The following LEPR variants were observed in gnomAD, a reference collection of about 807,000 sequenced individuals.
The protein encoded by LEPR is OB receptor.
In LEPR, 56 loss-of-function variants were observed where a neutral mutation model predicts 114.7. The ratio of observed to expected loss-of-function variants is 0.49; its 90% CI spans 0.39 to 0.61. The LOEUF (loss-of-function observed/expected upper bound fraction) is 0.61. Among genes scored for constraint, LEPR ranks in the 20% least tolerant of loss-of-function variants. LEPR has a pLI of 0.00. For synonymous variants in LEPR, 443 were observed against 461.4 expected (o/e 0.96, Z 0.51); for missense variants, 1,202 against 1,352.9 (o/e 0.89, Z 1.75).
intron 2 of LEPR, among the ~76,000 whole-genome samples, chr1:65,473,045 C>T (rs1647108266): frequency 6.6e-6 from 1 of 152,180 alleles, no homozygotes; most frequent in African/African-American, 2.4e-5. Context: ...TGACAGGTGC[C>T]ATTCTTCCTA....
chr1:65,616,097 G>C lies in LEPR; in HGVS notation c.2085G>C (p.Val695=), dbSNP rs1310289527. The change falls in exon 15 of 20, where the codon GTG becomes GTC. Residue 695 remains valine (V), a synonymous_variant. Coordinates refer to ENST00000349533, the MANE Select transcript of LEPR (RefSeq NM_002303.6). The part of the protein sequence containing the change: ...TSCNGTWSED[V]GNHTKFTFLW... ...GCAATGGAACATGGTCAGAAGATGT[G>C]GGAAATCACACGAAATTCACTTTCC... is the stretch of plus-strand genomic sequence containing the variant. 2 of 1,614,142 alleles carry C rather than the reference G, an allele frequency of 1.2e-6. No individual in the cohort carries two copies. Among genetic ancestry groups the C allele is most frequent in the Non-Finnish European group, 1.7e-6 (2 of 1,180,014 alleles).
intron 19 of LEPR, among the ~76,000 whole-genome samples, chr1:65,629,127 T>G (rs950797315): frequency 1.3e-5 from 2 of 152,144 alleles, no homozygotes; most frequent in Non-Finnish European, 2.9e-5. Flanking sequence ...TCTTGTCACT[T>G]TTTTCAATTC....
chr1:65,598,095 C>CTTTTTTT (rs1226626771), intron 7 of LEPR, among the ~76,000 whole-genome samples: 3 of 101,482 alleles, frequency 3.0e-5, no homozygotes. Flanking sequence ...CCTCCTGCCT[C>CTTTTTTT]TTTTTTTTTT....
At chr1:65,625,858 G>A (rs1171013909) in intron 19 of LEPR, among the ~76,000 whole-genome samples, 1 of 152,080 alleles carries the variant, frequency 6.6e-6, no homozygotes, top group Non-Finnish European at 1.5e-5. Context: ...AGGGTTTTAT[G>A]TCAAAAAACC....
intron 2 of LEPR, among the ~76,000 whole-genome samples, chr1:65,516,092 G>A (rs1557634491): frequency 6.6e-6 from 1 of 152,126 alleles, no homozygotes; most frequent in Non-Finnish European, 1.5e-5. Flanking sequence ...TGCATTTAAT[G>A]TGTAAAATTG....
chr1:65,441,119 A>G (rs1359522363), intron 2 of LEPR, among the ~76,000 whole-genome samples: 1 of 152,226 alleles, frequency 6.6e-6, no homozygotes, highest in Non-Finnish European at 1.5e-5. Context: ...GTAGAATGAG[A>G]TGAATTCTCA....
chr1:65,532,343 G>A (rs1650459890), intron 2 of LEPR, among the ~76,000 whole-genome samples: 1 of 152,146 alleles, frequency 6.6e-6, no homozygotes, highest in South Asian at 2.1e-4. Flanking sequence ...TGTGGTAGGG[G>A]AAAAGACAGC....
intron 2 of LEPR, among the ~76,000 whole-genome samples, chr1:65,530,109 C>T (rs1161398463): frequency 6.6e-6 from 1 of 152,214 alleles, no homozygotes; most frequent in Non-Finnish European, 1.5e-5. Context: ...AGTTCAAATT[C>T]TCCACATGGA....
intron 2 of LEPR, among the ~76,000 whole-genome samples, chr1:65,479,502 GA>G (rs1354304841): frequency 1.3e-5 from 2 of 152,142 alleles, no homozygotes; most frequent in African/African-American, 4.8e-5. Context: ...GACATATCAT[GA>G]AGCAATTTCC....
rs924993680 is a variant in LEPR at position 65,636,972 on chromosome 1, C to G, written c.3455C>G (p.Thr1152Ser). ...MPQFQTCSTQ[T>S]HKIMENKMCD... is the part of the protein sequence containing the mutation. Reference sequence around the variant, plus strand: ...CAATTCCAAACTTGTTCTACTCAGACTCATAAGATCATGGAAAACAAGATG... The same window carrying G: ...CAATTCCAAACTTGTTCTACTCAGAGTCATAAGATCATGGAAAACAAGATG... Residue 1152 changes from threonine to serine, a missense_variant, in exon 20 of 20, where the codon ACT (threonine) becomes AGT (serine). Transcript: ENST00000349533. The G allele has an allele frequency of 1.2e-6, 2 of 1,613,330 alleles. No individual in the cohort carries two copies. The highest frequency in any genetic ancestry group is 1.3e-5 in the African/African-American group (1 of 74,986).
intron 8 of LEPR, among the ~76,000 whole-genome samples, chr1:65,599,261 G>A (rs80080454): frequency 6.6e-5 from 10 of 151,992 alleles, no homozygotes; most frequent in African/African-American, 2.4e-4. Flanking sequence ...TTTTAGCATC[G>A]GAACATCTAC....
At chr1:65,442,012 TGAGA>T (rs964081323) in intron 2 of LEPR, among the ~76,000 whole-genome samples, 8 of 152,010 alleles carry the variant, frequency 5.3e-5, no homozygotes, top group African/African-American at 1.9e-4. Flanking sequence ...TAATGTGGGC[TGAGA>T]GAGAAGAGGA....
Position 65,592,744 on chromosome 1 carries a change from T to C in LEPR, c.582T>C (p.Cys194=), listed in dbSNP as rs775848075. 8 of 1,613,446 alleles carry C rather than the reference T, an allele frequency of 5.0e-6. No individual in the cohort carries two copies. The highest frequency in any genetic ancestry group is 8.5e-7 in the Non-Finnish European group (1 of 1,179,522). Residue 194 remains cysteine (C), a synonymous_variant, in exon 6 of 20, where the codon TGT becomes TGC. Coordinates refer to ENST00000349533, the MANE Select transcript of LEPR (RefSeq NM_002303.6). ...VHCNCSVHEC[C]ECLVPVPTAK... ...GCAATTGCAGTGTTCATGAATGTTG[T>C]GAATGTCTTGTGCCTGTGCCAACAG...
At chr1:65,578,105 G>C (rs1654722075) in intron 5 of LEPR, among the ~76,000 whole-genome samples, 2 of 151,150 alleles carry the variant, frequency 1.3e-5, no homozygotes, top group Admixed American at 1.3e-4. Context: ...ATGGTTTTCA[G>C]CTTTATCCAT....
intron 2 of LEPR, among the ~76,000 whole-genome samples, chr1:65,505,988 GT>G (rs1648707168): frequency 6.6e-6 from 1 of 152,124 alleles, no homozygotes; most frequent in South Asian, 2.1e-4. Flanking sequence ...GTGAAACAAT[GT>G]TGATAATAGC....
intron 2 of LEPR, among the ~76,000 whole-genome samples, chr1:65,546,500 G>C (rs1210915569): frequency 1.3e-5 from 2 of 152,090 alleles, no homozygotes; most frequent in Admixed American, 1.3e-4. Context: ...GTGGTTTGTA[G>C]TTCTCCTTGA....
chr1:65,572,296 T>G (rs1487469661), intron 4 of LEPR, 30 bp from the exon 5 acceptor site: 4 of 1,388,188 alleles, frequency 2.9e-6, no homozygotes, highest in African/African-American at 1.7e-5. Flanking sequence ...AGTTGTTTTT[T>G]TTTTTTTTTT....
chr1:65,608,859 C>A lies in LEPR; in HGVS notation c.1710C>A (p.Phe570Leu). 6.2e-7 allele frequency: 1 copy of A among 1,613,700 alleles called. No homozygotes were observed. The highest frequency in any genetic ancestry group is 1.3e-5 in the African/African-American group (1 of 75,010). ...TCTTTCCAGAGAATAACCTTCAATTCCAGATTCGCTATGGTTTAAGTGGAA... is the reference window on the plus strand; with the variant it reads ...TCTTTCCAGAGAATAACCTTCAATTACAGATTCGCTATGGTTTAAGTGGAA... ...KPVFPENNLQ[F>L]QIRYGLSGKE... The change falls in exon 12 of 20, where the codon TTC becomes TTA. Residue 570 changes from phenylalanine to leucine, a missense_variant. By Grantham distance (22) the Phe-to-Leu change is conservative. Transcript: ENST00000349533.
At chr1:65,600,469 A>G (rs1656374378) in intron 8 of LEPR, among the ~76,000 whole-genome samples, 2 of 152,040 alleles carry the variant, frequency 1.3e-5, no homozygotes, top group African/African-American at 4.8e-5. Flanking sequence ...AAACCAATTA[A>G]AGTATTTTTG....
Sources: gnomAD v4.1 joint callset for allele counts (sites outside exome capture counted in the v4.1 genomes callset) on GRCh38, gnomAD v4.1.1 for gene constraint, MANE v1.5 for transcripts, NCBI Gene and HGNC (gene_info 2026-07-23, HGNC 2026-07-21) for gene names.